Variants in CTNND2 observed in about 807,000 individuals in gnomAD.
CTNND2 encodes the protein catenin delta-2.
CTNND2 carries 22 observed loss-of-function variants against 144.4 expected under a neutral mutation model. That is an observed-to-expected ratio of 0.15 (90% CI 0.11 to 0.22). The LOEUF (loss-of-function observed/expected upper bound fraction) is 0.22, where lower values mean the gene tolerates loss of function less well. Ranked by LOEUF, CTNND2 falls within the 10% of genes least tolerant of loss-of-function variation. The pLI is 1.00. For synonymous variants in CTNND2, 751 were observed against 695.6 expected (o/e 1.08, Z -1.25); for missense variants, 1,353 against 1,618.8 (o/e 0.84, Z 2.82).
intron 9 of CTNND2, among the ~76,000 whole-genome samples, chr5:11,339,786 G>A (rs938656975): frequency 6.6e-6 from 1 of 152,148 alleles, no homozygotes; most frequent in Non-Finnish European, 1.5e-5. Context: ...GCCCTCACTA[G>A]ACACACAGTC....
intron 14 of CTNND2, among the ~76,000 whole-genome samples, chr5:11,100,082 T>C (rs901912497): frequency 6.6e-6 from 1 of 152,230 alleles, no homozygotes; most frequent in African/African-American, 2.4e-5. Flanking sequence ...AGAAAATACA[T>C]GCTTACTTTT....
At chr5:11,258,903 T>A (rs1048858998) in intron 9 of CTNND2, among the ~76,000 whole-genome samples, 4 of 152,200 alleles carry the variant, frequency 2.6e-5, no homozygotes, top group African/African-American at 9.7e-5. Context: ...ATTAGGAGAT[T>A]CTTATGTCTC....
intron 9 of CTNND2, among the ~76,000 whole-genome samples, chr5:11,299,146 C>T (rs976366935): frequency 6.6e-6 from 1 of 152,108 alleles, no homozygotes; most frequent in Non-Finnish European, 1.5e-5. Flanking sequence ...TCCCACTCAC[C>T]TCTCTTCTTA....
At position 11,844,660 on chromosome 5, in the gene CTNND2, G is replaced by A. The variant is rs1438014981; in HGVS notation, c.37+59157C>T. Among the ~76,000 whole-genome samples the A allele has an allele frequency of 2.6e-5, 4 of 152,238 alleles. No individual in the cohort carries two copies. The East Asian group carries it at 7.7e-4, about 29-fold the overall frequency. On this transcript the variant is annotated intron_variant, in intron 1 of 21. Transcript: ENST00000304623. ...CTAATGAATTCAGGGAGCACCTGTT[G>A]TTTAATTTGAACTCTTTTATAGGTA...
chr5:11,539,244 T>G (rs763170139), intron 3 of CTNND2, among the ~76,000 whole-genome samples: 1 of 152,178 alleles, frequency 6.6e-6, no homozygotes, highest in Non-Finnish European at 1.5e-5. Flanking sequence ...TTACTTGGAC[T>G]GATGATAGAA....
chr5:11,433,444 T>C (rs1489102587), intron 3 of CTNND2, among the ~76,000 whole-genome samples: 1 of 152,168 alleles, frequency 6.6e-6, no homozygotes, highest in African/African-American at 2.4e-5. Flanking sequence ...ATTCTTGCAC[T>C]GTTAAAAGGA....
intron 1 of CTNND2, among the ~76,000 whole-genome samples, chr5:11,813,766 G>T (rs143978110): frequency 6.6e-6 from 1 of 152,038 alleles, no homozygotes; most frequent in East Asian, 1.9e-4. Context: ...CTTCAGCCTC[G>T]ACCTCCCAAA....
chr5:11,171,138 C>G (rs1759863807), intron 11 of CTNND2, among the ~76,000 whole-genome samples: 1 of 152,142 alleles, frequency 6.6e-6, no homozygotes, highest in South Asian at 2.1e-4. Context: ...AATAATGTCA[C>G]TGATGATCAT....
At chr5:11,865,516 A>G (rs1795719345) in intron 1 of CTNND2, among the ~76,000 whole-genome samples, 1 of 152,166 alleles carries the variant, frequency 6.6e-6, no homozygotes, top group South Asian at 2.1e-4. Flanking sequence ...TCTTGATATA[A>G]TTCATTTTTA....
At chr5:11,341,931 G>A (rs1358720238) in intron 9 of CTNND2, among the ~76,000 whole-genome samples, 2 of 152,126 alleles carry the variant, frequency 1.3e-5, no homozygotes, top group African/African-American at 4.8e-5. Context: ...GATCATTTGA[G>A]CCTGGAAGTT....
intron 16 of CTNND2, among the ~76,000 whole-genome samples, chr5:11,081,864 T>G (rs1016584424): frequency 9.2e-5 from 14 of 152,156 alleles, no homozygotes; most frequent in African/African-American, 3.1e-4. Flanking sequence ...GGGAACAGTG[T>G]TTGCCTTTGG....
At chr5:11,064,425 C>T (rs768228835) in intron 16 of CTNND2, among the ~76,000 whole-genome samples, 5 of 152,204 alleles carry the variant, frequency 3.3e-5, no homozygotes, top group Non-Finnish European at 7.4e-5. Context: ...CATAACCAAT[C>T]AGAGGCTGAT....
chr5:11,249,674 T>C (rs984259302), intron 9 of CTNND2, among the ~76,000 whole-genome samples: 4 of 152,150 alleles, frequency 2.6e-5, no homozygotes, highest in African/African-American at 9.7e-5. Context: ...TCAGTATAAT[T>C]TTTGAGGAAT....
At chr5:11,626,088 A>T (rs1256421079) in intron 2 of CTNND2, among the ~76,000 whole-genome samples, 1 of 152,174 alleles carries the variant, frequency 6.6e-6, no homozygotes, top group Non-Finnish European at 1.5e-5. Context: ...CCTAATGTGA[A>T]ATAAAACATG....
chr5:11,467,624 CTTTTACTAGATT>C (rs1766803715), intron 3 of CTNND2, among the ~76,000 whole-genome samples: 1 of 152,128 alleles, frequency 6.6e-6, no homozygotes, highest in Non-Finnish European at 1.5e-5. Flanking sequence ...AATAAATATG[CTTTTACTAGATT>C]TTAAAAGAAA....
intron 10 of CTNND2, among the ~76,000 whole-genome samples, chr5:11,217,620 T>C (rs1739331573): frequency 6.6e-6 from 1 of 151,714 alleles, no homozygotes; most frequent in South Asian, 2.1e-4. Flanking sequence ...AATTAGAGAG[T>C]TTTCAAGGCA....
chr5:11,059,253 C>A (rs1421086915), intron 16 of CTNND2, among the ~76,000 whole-genome samples: 2 of 152,164 alleles, frequency 1.3e-5, no homozygotes, highest in Non-Finnish European at 2.9e-5. Context: ...TCCCACAATT[C>A]CCACATGTCA....
At chr5:11,207,520 A>G (rs1053675176) in intron 10 of CTNND2, among the ~76,000 whole-genome samples, 1 of 152,194 alleles carries the variant, frequency 6.6e-6, no homozygotes, top group African/African-American at 2.4e-5. Context: ...ATATTTAAAG[A>G]TGGATGGTGA....
At chr5:11,504,270 T>C (rs576376652) in intron 3 of CTNND2, among the ~76,000 whole-genome samples, 6 of 152,352 alleles carry the variant, frequency 3.9e-5, no homozygotes, top group African/African-American at 7.2e-5. Context: ...CTGCTGCTGC[T>C]GCCGCTGCTG....
Sources: gnomAD v4.1 joint callset for allele counts (sites outside exome capture counted in the v4.1 genomes callset) on GRCh38, gnomAD v4.1.1 for gene constraint, MANE v1.5 for transcripts, NCBI Gene and HGNC (gene_info 2026-07-23, HGNC 2026-07-21) for gene names.